GABRA2: variants seen among roughly 807,000 people sequenced by gnomAD.
GABRA2 encodes gamma-aminobutyric acid type A receptor subunit alpha2.
Under a neutral mutation model 48.7 loss-of-function variants are expected in GABRA2, and 16 were observed. The observed-to-expected ratio is 0.33, with a 90% CI of 0.22 to 0.50. The LOEUF (loss-of-function observed/expected upper bound fraction) is 0.50. Ranked by LOEUF, GABRA2 falls within the 20% of genes least tolerant of loss-of-function variation. The pLI is 0.98. For missense variants in GABRA2, 275 were observed against 535.6 expected (o/e 0.51, Z 4.80); for synonymous variants, 185 against 184.5 (o/e 1.00, Z -0.02).
At chr4:46,345,695 G>T (rs975771294) in intron 3 of GABRA2, among the ~76,000 whole-genome samples, 2 of 151,742 alleles carry the variant, frequency 1.3e-5, no homozygotes, top group Admixed American at 6.6e-5. Context: ...CCCTCTTCTA[G>T]TCCCTCCTGC....
Position 46,250,555 on chromosome 4 carries a change from G to A in GABRA2, c.1109C>T (p.Ala370Val). 6.2e-7 allele frequency: 1 copy of A among 1,611,492 alleles called. No homozygotes were observed. Among genetic ancestry groups the A allele is most frequent in the Non-Finnish European group, 8.5e-7 (1 of 1,178,360 alleles). The change falls in exon 10 of 10, where the codon GCT becomes GTT. Residue 370 changes from alanine to valine, a missense_variant. By Grantham distance (64) the Ala-to-Val change is moderately conservative. This residue lies in a region of GABRA2 where 99 missense variants were observed against 124.3 expected (regional missense o/e 0.80). Coordinates refer to ENST00000381620, the MANE Select transcript of GABRA2 (RefSeq NM_000807.4). ...AAGATTCGGGGCATAATTGGCAACA[G>A]CCACTGCATAAGCGTTGTTCTGTAT... ...VMIQNNAYAVAVANYAPNLSK... is the reference protein window; with the variant it reads ...VMIQNNAYAVVVANYAPNLSK...
chr4:46,245,177 T>C lies in GABRA2; in HGVS notation c.*5131A>G, dbSNP rs1713488096. On this transcript the variant is annotated 3_prime_UTR_variant, in exon 10 of 10. Coordinates refer to ENST00000381620, the MANE Select transcript of GABRA2 (RefSeq NM_000807.4). ...GCTGTGAGGACTGAATGAACTAATATGCATAAAAAACTTAGAACGTTGACT... is the reference window on the plus strand; with the variant it reads ...GCTGTGAGGACTGAATGAACTAATACGCATAAAAAACTTAGAACGTTGACT... Among the ~76,000 whole-genome samples the C allele has an allele frequency of 6.6e-6, 1 of 151,444 alleles. No individual in the cohort carries two copies. Among genetic ancestry groups the C allele is most frequent in the African/African-American group, 2.4e-5 (1 of 41,496 alleles).
chr4:46,389,518 G>A lies in GABRA2; in HGVS notation c.-11+217C>T, dbSNP rs989408918. The A allele has an allele frequency of 1.6e-5, 9 of 572,862 alleles. No individual in the cohort carries two copies. The South Asian group carries it at 6.1e-4, about 39-fold the overall frequency. The allele number at this position is 572,862 out of a possible 1,614,324, so 35.5% of individuals were successfully genotyped here. Reference sequence around the variant, plus strand: ...AAGAGCCAGGCTAACGTGCTGCCGAGCAGGTGTCCTGGATTTTATTGTAGT... The same window carrying A: ...AAGAGCCAGGCTAACGTGCTGCCGAACAGGTGTCCTGGATTTTATTGTAGT... On this transcript the variant is annotated intron_variant, in intron 1 of 9. Transcript: ENST00000381620.
chr4:46,267,805 G>A (rs1252708319), intron 8 of GABRA2, among the ~76,000 whole-genome samples: 1 of 151,836 alleles, frequency 6.6e-6, no homozygotes, highest in African/African-American at 2.4e-5. Flanking sequence ...ACAGAATGAC[G>A]ATCCCTCAGC....
chr4:46,326,212 A>G (rs544959572), intron 4 of GABRA2, among the ~76,000 whole-genome samples: 45 of 152,124 alleles, frequency 3.0e-4, no homozygotes, highest in African/African-American at 1.0e-3. Flanking sequence ...TTAGAAAACC[A>G]AGAAAGCTAT....
At chr4:46,386,249 A>C in intron 2 of GABRA2, 60 bp from the exon 3 acceptor site, 1 of 981,314 alleles carries the variant, frequency 1.0e-6, no homozygotes. Context: ...AAATGCCAAC[A>C]TGCTTTTCTT....
chr4:46,277,097 A>G (rs1490533478), intron 8 of GABRA2, among the ~76,000 whole-genome samples: 2 of 152,132 alleles, frequency 1.3e-5, no homozygotes, highest in Non-Finnish European at 2.9e-5. Flanking sequence ...TTATTATCAC[A>G]ATTCATTATT....
chr4:46,263,968 T>C (rs543286413), intron 8 of GABRA2, among the ~76,000 whole-genome samples: 1 of 151,604 alleles, frequency 6.6e-6, no homozygotes, highest in East Asian at 2.0e-4. Context: ...ATAATAAACA[T>C]TTCCATTTAT....
In GABRA2 at chr4:46,245,557, G is replaced by A. The variant is rs1016211342; in HGVS notation, c.*4751C>T. Among the ~76,000 whole-genome samples the A allele has an allele frequency of 2.0e-5, 3 of 151,298 alleles. No homozygotes were observed. The highest frequency in any genetic ancestry group is 7.3e-5 in the African/African-American group (3 of 41,354). On this transcript the variant is annotated 3_prime_UTR_variant, in exon 10 of 10. Coordinates refer to ENST00000381620, the MANE Select transcript of GABRA2 (RefSeq NM_000807.4). ...GTTTGTTATGGATTTACTGAAAAAT[G>A]TGTTCTAGTGTGCAAGTTAATTGCT...
chr4:46,265,495 T>TATA, intron 8 of GABRA2, among the ~76,000 whole-genome samples: 1 of 146,196 alleles, frequency 6.8e-6, no homozygotes, highest in African/African-American at 2.5e-5. Context: ...ATTATATATA[T>TATA]ATATATATGT....
chr4:46,335,653 T>A lies in GABRA2; in HGVS notation c.188-2971A>T, dbSNP rs148611718. Among the ~76,000 whole-genome samples the A allele has an allele frequency of 1.6e-4, 25 of 152,144 alleles. No homozygotes were observed. The East Asian group carries it at 4.3e-3, about 26-fold the overall frequency. On this transcript the variant is annotated intron_variant, in intron 3 of 9. Transcript: ENST00000381620. ...GTCCAGCTAGTTTTTGTATTCTTAGTAGAGATGGGGTTTCACCATGTTGGC... is the reference window on the plus strand; with the variant it reads ...GTCCAGCTAGTTTTTGTATTCTTAGAAGAGATGGGGTTTCACCATGTTGGC...
At chr4:46,292,840 G>T (rs1021496779) in intron 8 of GABRA2, among the ~76,000 whole-genome samples, 1 of 152,144 alleles carries the variant, frequency 6.6e-6, no homozygotes, top group Non-Finnish European at 1.5e-5. Context: ...TTGCAAAATA[G>T]ATTTGTGAGG....
At chr4:46,325,099 A>G (rs1349074471) in intron 4 of GABRA2, among the ~76,000 whole-genome samples, 2 of 151,868 alleles carry the variant, frequency 1.3e-5, no homozygotes, top group Non-Finnish European at 2.9e-5. Flanking sequence ...ATAAGTATAT[A>G]GTATGTAGTA....
intron 9 of GABRA2, among the ~76,000 whole-genome samples, chr4:46,251,584 T>A (rs965337492): frequency 1.3e-5 from 2 of 151,518 alleles, no homozygotes; most frequent in Middle Eastern, 3.4e-3. Flanking sequence ...TGAACACCAA[T>A]TCTTTCTCTT....
At chr4:46,382,600 T>A (rs549406934) in intron 3 of GABRA2, among the ~76,000 whole-genome samples, 1 of 152,306 alleles carries the variant, frequency 6.6e-6, no homozygotes, top group African/African-American at 2.4e-5. Context: ...CTGACTTAAA[T>A]TTTTAAAGGG....
chr4:46,269,597 A>G (rs944811123), intron 8 of GABRA2, among the ~76,000 whole-genome samples: 1 of 151,894 alleles, frequency 6.6e-6, no homozygotes, highest in Admixed American at 6.6e-5. Flanking sequence ...TATAAATGTA[A>G]CTGTATAAAC....
intron 8 of GABRA2, among the ~76,000 whole-genome samples, chr4:46,276,607 A>C (rs1191902456): frequency 1.3e-5 from 2 of 152,024 alleles, no homozygotes; most frequent in African/African-American, 4.8e-5. Context: ...CTCAAAAAAA[A>C]AAAAAAAAAG....
intron 8 of GABRA2, among the ~76,000 whole-genome samples, chr4:46,298,788 C>A (rs1725211851): frequency 6.6e-6 from 1 of 151,718 alleles, no homozygotes. Context: ...ATGTTTAGGG[C>A]ACTAACAGGT....
intron 9 of GABRA2, chr4:46,261,092 G>T (rs1025652759): frequency 2.0e-5 from 3 of 151,926 alleles, no homozygotes; most frequent in Admixed American, 2.0e-4. Context: ...GAATATAGAT[G>T]ATTATGATAC....
Sources: allele counts gnomAD v4.1 joint callset (sites outside exome capture counted in the v4.1 genomes callset), GRCh38; gene constraint gnomAD v4.1.1; regional missense constraint gnomAD v4.1.1; transcripts MANE v1.5; gene names NCBI Gene and HGNC (gene_info 2026-07-23, HGNC 2026-07-21).